MPP7: variants seen among roughly 807,000 people sequenced by gnomAD.
MPP7 encodes MAGUK p55 scaffold protein 7.
In MPP7, 60 loss-of-function variants were observed where a neutral mutation model predicts 76.5. That is an observed-to-expected ratio of 0.78 (90% CI 0.64 to 0.97). The LOEUF is 0.97. Ranked by LOEUF, MPP7 falls within the 50% of genes least tolerant of loss-of-function variation. The pLI is 0.00. For missense variants in MPP7, 641 were observed against 694.0 expected, an observed-to-expected ratio of 0.92 and a Z score of 0.86; for synonymous variants, 237 against 244.5, an observed-to-expected ratio of 0.97 and a Z score of 0.29.
intron 1 of MPP7, among the ~76,000 whole-genome samples, chr10:28,265,439 G>A (rs1840119372): frequency 6.6e-6 from 1 of 152,014 alleles, no homozygotes; most frequent in Non-Finnish European, 1.5e-5. Flanking sequence ...CATACCTGTA[G>A]TCCCAGCTGC....
intron 2 of MPP7, among the ~76,000 whole-genome samples, chr10:28,235,131 T>C (rs557082306): frequency 5.3e-5 from 8 of 152,266 alleles, no homozygotes; most frequent in African/African-American, 1.7e-4. Context: ...GAAATCATTA[T>C]GGCCAAGAGA....
At position 28,125,132 on chromosome 10, in the gene MPP7, T is replaced by C. The variant is rs1210252478; in HGVS notation, c.448-41A>G. On this transcript the variant is annotated intron_variant, in intron 6 of 16. Coordinates refer to ENST00000683449, the MANE Select transcript of MPP7 (RefSeq NM_001318170.2). ...CAAAAAGCATTTGTGGGTAAATGTG[T>C]GTACTAGGTGTTAGAAAAGGAGGAA... 3.3e-6 allele frequency: 5 copies of C among 1,501,046 alleles called. No individual in the cohort carries two copies. The East Asian group carries it at 1.1e-4, about 34-fold the overall frequency. The allele number at this position is 1,501,046 out of a possible 1,614,324, so 93.0% of individuals were successfully genotyped here.
chr10:28,282,580 C>T (rs139520506), intron 1 of MPP7, among the ~76,000 whole-genome samples: 24 of 152,004 alleles, frequency 1.6e-4, no homozygotes, highest in South Asian at 8.3e-4. Context: ...AATGGGCAAA[C>T]GCACAATTGG....
Position 28,262,265 on chromosome 10 carries a change from A to G in MPP7, c.-131-23530T>C, listed in dbSNP as rs978943037. Among the ~76,000 whole-genome samples the G allele has an allele frequency of 2.3e-3, 122 of 52,002 alleles. 4 individuals are homozygous for G. The highest frequency in any genetic ancestry group is 0.011 in the African/African-American group (112 of 10,372). The allele number at this position is 52,002 out of a possible 152,430, so 34.1% of individuals were successfully genotyped here. On this transcript the variant is annotated intron_variant, in intron 1 of 16. Transcript: ENST00000683449. ...TATACATATATATATATATGTATATATATATATATATATTTTTTTTTTTTT... is the reference window on the plus strand; with the variant it reads ...TATACATATATATATATATGTATATGTATATATATATATTTTTTTTTTTTT...
chr10:28,095,200 T>TATATATATAC (rs1853508290), intron 11 of MPP7, among the ~76,000 whole-genome samples: 1 of 23,440 alleles, frequency 4.3e-5, no homozygotes, highest in African/African-American at 1.1e-4. Flanking sequence ...TATGCATATA[T>TATATATATAC]ATATATATAT....
rs368889485 is a variant in MPP7 at position 28,178,777 on chromosome 10, T to C, written c.156+23376A>G. Among the ~76,000 whole-genome samples, 1,054 of 152,282 alleles carry C rather than the reference T, an allele frequency of 6.9e-3. 8 individuals are homozygous for C. Among genetic ancestry groups the C allele is most frequent in the African/African-American group, 0.024 (999 of 41,552 alleles). Reference sequence around the variant, plus strand: ...AATCAACAAAAAGGGGGCTTTTGTTTTGTTTAATTATCCTCAGAAAGATTC... The same window carrying C: ...AATCAACAAAAAGGGGGCTTTTGTTCTGTTTAATTATCCTCAGAAAGATTC... On this transcript the variant is annotated intron_variant, in intron 3 of 16. Transcript: ENST00000683449.
At chr10:28,307,222 A>G (rs1246237816), upstream of MPP7, among the ~76,000 whole-genome samples, 1 of 152,216 alleles carries the variant, frequency 6.6e-6, no homozygotes, top group Non-Finnish European at 1.5e-5. Flanking sequence ...GGAGACCTAG[A>G]GGCCAAGGCC....
chr10:28,260,682 G>C (rs569364711), intron 1 of MPP7, among the ~76,000 whole-genome samples: 79 of 144,562 alleles, frequency 5.5e-4, no homozygotes, highest in Non-Finnish European at 1.1e-3. Flanking sequence ...TGAGACAGGA[G>C]AATCGCTCGA....
intron 3 of MPP7, among the ~76,000 whole-genome samples, chr10:28,200,571 A>G (rs1837737621): frequency 6.6e-6 from 1 of 152,190 alleles, no homozygotes. Flanking sequence ...TGTTTTATGC[A>G]TTAGTTTCAT....
At chr10:28,105,313 T>C (rs962785950) in intron 11 of MPP7, among the ~76,000 whole-genome samples, 8 of 152,146 alleles carry the variant, frequency 5.3e-5, no homozygotes, top group African/African-American at 1.9e-4. Context: ...TTGGGTTACC[T>C]TTACTTTCCC....
At chr10:28,310,237 G>C (rs1196249443) in intron 2 of MPP7, among the ~76,000 whole-genome samples, 1 of 152,092 alleles carries the variant, frequency 6.6e-6, no homozygotes, top group African/African-American at 2.4e-5. Flanking sequence ...CCTGGCCTCA[G>C]GTGAGCAGCC....
intron 2 of MPP7, among the ~76,000 whole-genome samples, chr10:28,230,661 C>CA: frequency 6.6e-6 from 1 of 151,850 alleles, no homozygotes; most frequent in East Asian, 1.9e-4. Flanking sequence ...AAAAAAAATA[C>CA]AAAAAATTAG....
intron 5 of MPP7, among the ~76,000 whole-genome samples, chr10:28,143,547 G>A (rs1440775736): frequency 6.6e-6 from 1 of 151,934 alleles, no homozygotes; most frequent in Non-Finnish European, 1.5e-5. Context: ...TCCTTTATGG[G>A]TGCATGTTTG....
rs1295918881 is a variant in MPP7 at position 28,131,580 on chromosome 10, C to T, written c.427G>A (p.Val143Ile). The T allele has an allele frequency of 3.1e-6, 5 of 1,599,540 alleles. No homozygotes were observed. Among genetic ancestry groups the T allele is most frequent in the African/African-American group, 2.7e-5 (2 of 74,418 alleles). Residue 143 changes from valine (V) to isoleucine (I), a missense_variant, in exon 6 of 17, where the codon GTC becomes ATC. Coordinates refer to ENST00000683449, the MANE Select transcript of MPP7 (RefSeq NM_001318170.2). Reference protein sequence around the residue: ...EEDSVKIIRLVKNREPLGATI... With the variant: ...EEDSVKIIRLIKNREPLGATI... ...CTCACCAGTGGTTCTCTATTTTTGA[C>T]CAGACGGATTATTTTTACTGAGTCT...
Position 28,052,079 on chromosome 10 carries a change from A to G in MPP7, c.*1986T>C, listed in dbSNP as rs946817200. 1 of 152,096 alleles carries G rather than the reference A, an allele frequency of 6.6e-6. No homozygotes were observed. The highest frequency in any genetic ancestry group is 6.5e-5 in the Admixed American group (1 of 15,272). 9.4% of individuals were successfully genotyped at this position (152,096 alleles called of 1,614,324 possible). ...GACTCAGTTTCTCCCACTTTACACT[A>G]TATCTCTGTCCCCAAAGTAAATAAC... On this transcript the variant is annotated 3_prime_UTR_variant, in exon 17 of 17. Coordinates refer to ENST00000683449, the MANE Select transcript of MPP7 (RefSeq NM_001318170.2).
intron 1 of MPP7, among the ~76,000 whole-genome samples, chr10:28,297,454 T>A (rs1369802280): frequency 6.6e-6 from 1 of 152,098 alleles, no homozygotes; most frequent in Non-Finnish European, 1.5e-5. Context: ...ATCCTAACAC[T>A]TTGGGAGGCT....
intron 11 of MPP7, among the ~76,000 whole-genome samples, chr10:28,114,640 A>C (rs1334440460): frequency 6.6e-6 from 1 of 152,078 alleles, no homozygotes; most frequent in East Asian, 1.9e-4. Context: ...GCAAGGTTAA[A>C]TCCCCATACT....
rs1288766842 is a variant in MPP7, at chr10:28,159,578, T to C, written c.157-9519A>G. ...CATCCTATCTACTGGGACACGCTGC[T>C]TTGGTTGAAGTTCATGAAGCAAATC... On this transcript the variant is annotated intron_variant, in intron 3 of 16. Transcript: ENST00000683449. Among the ~76,000 whole-genome samples, 3 of 152,320 alleles carry C rather than the reference T, an allele frequency of 2.0e-5. No individual in the cohort carries two copies. In the South Asian group the frequency reaches 6.2e-4, roughly 32 times the overall value.
chr10:28,119,818 A>G, intron 10 of MPP7, 103 bp from the exon 11 acceptor site: 1 of 912,550 alleles, frequency 1.1e-6, no homozygotes, highest in African/African-American at 1.7e-5. Flanking sequence ...AAGGTTAGAG[A>G]AAAAAATGAA....
Sources: gnomAD v4.1 joint callset for allele counts (sites outside exome capture counted in the v4.1 genomes callset) on GRCh38, gnomAD v4.1.1 for gene constraint, MANE v1.5 for transcripts, NCBI Gene and HGNC (gene_info 2026-07-23, HGNC 2026-07-21) for gene names.